Variants in SHROOM3 observed in about 807,000 individuals in gnomAD.
The protein encoded by SHROOM3 is protein Shroom3.
In SHROOM3, 47 loss-of-function variants were observed where a neutral mutation model predicts 138.6. The observed-to-expected ratio is 0.34, with a 90% confidence interval of 0.27 to 0.43. The LOEUF (loss-of-function observed/expected upper bound fraction) is 0.43, where lower values mean the gene tolerates loss of function less well. Ranked by LOEUF, SHROOM3 falls within the 20% of genes least tolerant of loss-of-function variation. SHROOM3 has a pLI of 1.00. For missense variants in SHROOM3, 2,491 were observed against 2,596.5 expected (o/e 0.96, Z 0.88); for synonymous variants, 1,062 against 1,063.3 (o/e 1.00, Z 0.02).
intron 1 of SHROOM3, among the ~76,000 whole-genome samples, chr4:76,538,147 C>T (rs1438235549): frequency 6.6e-6 from 1 of 152,220 alleles, no homozygotes; most frequent in Non-Finnish European, 1.5e-5. Context: ...GATCTGCCCG[C>T]CTGAGCCTCC....
intron 1 of SHROOM3, among the ~76,000 whole-genome samples, chr4:76,532,867 C>G (rs1260478157): frequency 2.6e-5 from 4 of 152,064 alleles, no homozygotes; most frequent in Non-Finnish European, 5.9e-5. Flanking sequence ...CATCACTACT[C>G]CTACACTTTA....
chr4:76,457,988 G>A (rs1731065158), intron 1 of SHROOM3, among the ~76,000 whole-genome samples: 1 of 151,294 alleles, frequency 6.6e-6, no homozygotes, highest in Admixed American at 6.6e-5. Context: ...TAGAGACAGG[G>A]TTTCATGTGT....
rs927440431 is a variant in SHROOM3 at position 76,554,986 on chromosome 4, T to G, written c.169-623T>G. 2.0e-5 allele frequency among the ~76,000 whole-genome samples: 3 copies of G among 151,476 alleles called. No individual in the cohort carries two copies. In the East Asian group the frequency reaches 5.8e-4, roughly 29 times the overall value. On this transcript the variant is annotated intron_variant, in intron 1 of 10. Coordinates refer to ENST00000296043, the MANE Select transcript of SHROOM3 (RefSeq NM_020859.4). The stretch of plus-strand genomic sequence containing the variant: ...AGGTAGCACACTCCTTATGAGAATC[T>G]AATGCCTGAAGATCTGTCACTATCT...
At chr4:76,694,856 C>A (rs1719675238) in intron 2 of SHROOM3, among the ~76,000 whole-genome samples, 1 of 152,198 alleles carries the variant, frequency 6.6e-6, no homozygotes, top group African/African-American at 2.4e-5. Context: ...CCTCACACTC[C>A]TATGAGGCAG....
chr4:76,457,986 G>A (rs1313774718), intron 1 of SHROOM3, among the ~76,000 whole-genome samples: 1 of 151,922 alleles, frequency 6.6e-6, no homozygotes, highest in Non-Finnish European at 1.5e-5. Context: ...AGTAGAGACA[G>A]GGTTTCATGT....
chr4:76,716,323 A>G, intron 3 of SHROOM3: 1 of 519,038 alleles, frequency 1.9e-6, no homozygotes, highest in Non-Finnish European at 3.8e-6. Context: ...GAGCAGTAGC[A>G]GGGCAGAATG....
Position 76,741,455 on chromosome 4 carries a change from C to G in SHROOM3, c.3282C>G (p.Thr1094=), listed in dbSNP as rs755583958. 6 of 1,576,458 alleles carry G rather than the reference C, an allele frequency of 3.8e-6. No individual in the cohort carries two copies. The highest frequency in any genetic ancestry group is 5.2e-6 in the Non-Finnish European group (6 of 1,163,750). ...TGGCGGACTACATCCAGCGCAAGACCGGCAAGCGGCCTACCTCCGCCGCCG... is the reference window on the plus strand; with the variant it reads ...TGGCGGACTACATCCAGCGCAAGACGGGCAAGCGGCCTACCTCCGCCGCCG... ...SALADYIQRK[T]GKRPTSAAGC... The change falls in exon 5 of 11, where the codon ACC becomes ACG. Residue 1094 remains threonine (T), a synonymous_variant. Transcript: ENST00000296043. The surrounding 1 kb of genome is among the most constrained non-coding windows in gnomAD (Gnocchi z 6.2).
rs752789473 is a variant in SHROOM3, at chr4:76,739,671, G to A, written c.1498G>A (p.Gly500Arg). The A allele has an allele frequency of 3.1e-6, 5 of 1,614,036 alleles. No homozygotes were observed. Among genetic ancestry groups the A allele is most frequent in the Non-Finnish European group, 4.2e-6 (5 of 1,180,038 alleles). The change falls in exon 5 of 11, where the codon GGA becomes AGA. Residue 500 changes from glycine to arginine, a missense_variant. Physicochemically the swap from Gly to Arg is moderately radical, Grantham distance 125. Around this residue, in one of 4 missense-constraint regions of SHROOM3, gnomAD observed 1,733 missense variants for 1,661.6 expected, o/e 1.04. Coordinates refer to ENST00000296043, the MANE Select transcript of SHROOM3 (RefSeq NM_020859.4). ...MLYPALAKES[G>R]YIAPQGACNK... ...CTACCCTGCACTGGCCAAGGAGAGT[G>A]GATACATAGCCCCTCAGGGAGCATG... is the stretch of plus-strand genomic sequence containing the variant.
rs1721245413 is a variant in SHROOM3, at chr4:76,741,262, G to A, written c.3089G>A (p.Gly1030Glu). The A allele has an allele frequency of 6.2e-7, 1 of 1,611,958 alleles. No individual in the cohort carries two copies. The highest frequency in any genetic ancestry group is 1.3e-5 in the African/African-American group (1 of 75,000). ...YSEPEKMNEV[G>E]IVEEAEPAPL... ...GAGCCCGAGAAGATGAACGAGGTGG[G>A]GATCGTGGAGGAGGCCGAACCGGCA... The change falls in exon 5 of 11, where the codon GGG becomes GAG. Residue 1030 changes from glycine (G) to glutamate (E), a missense_variant. Gly to Glu is a moderately conservative substitution (Grantham distance 98). This residue lies in a region of SHROOM3 where 1,733 missense variants were observed against 1,661.6 expected (regional missense o/e 1.04). Coordinates refer to ENST00000296043, the MANE Select transcript of SHROOM3 (RefSeq NM_020859.4). The surrounding 1 kb of genome is among the most constrained non-coding windows in gnomAD (Gnocchi z 6.2).
At chr4:76,453,888 CA>C (rs1730976315) in intron 1 of SHROOM3, among the ~76,000 whole-genome samples, 1 of 152,178 alleles carries the variant, frequency 6.6e-6, no homozygotes, top group Non-Finnish European at 1.5e-5. Context: ...TTGGATAAAG[CA>C]CACTACTTTT....
chr4:76,748,831 TTTTTTTA>T (rs1004816325), intron 5 of SHROOM3, among the ~76,000 whole-genome samples, 179 bp from the exon 6 acceptor site: 6 of 150,456 alleles, frequency 4.0e-5, no homozygotes, highest in Non-Finnish European at 5.9e-5. Context: ...TTTTTTTTTT[TTTTTTTA>T]AATCTTCGGC....
chr4:76,608,555 CATA>C (rs1560563109), intron 2 of SHROOM3, among the ~76,000 whole-genome samples: 1,163 of 80,572 alleles, frequency 0.014, 3 homozygotes, highest in Non-Finnish European at 0.017. Flanking sequence ...CATAGCATAG[CATA>C]GCATAGCATA....
In SHROOM3 at chr4:76,558,506, GC is replaced by G. The variant is rs1483759276; in HGVS notation, c.323+2750del. ...ATGCTGGTTCCCTGGTTATCTGGAGGCCCCCCCTTTCATTCTCTTAGTGAGT... is the reference window on the plus strand; with the variant it reads ...ATGCTGGTTCCCTGGTTATCTGGAGGCCCCCCTTTCATTCTCTTAGTGAGT... On this transcript the variant is annotated intron_variant, in intron 2 of 10. Coordinates refer to ENST00000296043, the MANE Select transcript of SHROOM3 (RefSeq NM_020859.4). 3.9e-5 allele frequency among the ~76,000 whole-genome samples: 6 copies of G among 152,012 alleles called. 1 individual carries two copies. Among genetic ancestry groups the G allele is most frequent in the Admixed American group, 1.3e-4 (2 of 15,252 alleles).
chr4:76,498,573 AT>A (rs1732017797), intron 1 of SHROOM3, among the ~76,000 whole-genome samples: 1 of 152,124 alleles, frequency 6.6e-6, no homozygotes, highest in Non-Finnish European at 1.5e-5. Flanking sequence ...CTTAATTAAT[AT>A]CCCCTTAATC....
chr4:76,438,373 C>T (rs1330903869), intron 1 of SHROOM3, among the ~76,000 whole-genome samples: 4 of 152,176 alleles, frequency 2.6e-5, no homozygotes, highest in Non-Finnish European at 5.9e-5. Flanking sequence ...TTCAAGGATC[C>T]AATCTGGTCC....
intron 1 of SHROOM3, among the ~76,000 whole-genome samples, chr4:76,501,405 C>G (rs1454076686): frequency 6.6e-6 from 1 of 152,144 alleles, no homozygotes; most frequent in East Asian, 1.9e-4. Context: ...CTTGTAATTT[C>G]CTAAGCAATA....
intron 1 of SHROOM3, among the ~76,000 whole-genome samples, chr4:76,547,834 G>T (rs1434692310): frequency 6.6e-6 from 1 of 151,772 alleles, no homozygotes. Flanking sequence ...AGACACTGAG[G>T]CAGGAGAATC....
At chr4:76,710,746 A>G (rs1174008801) in intron 3 of SHROOM3, among the ~76,000 whole-genome samples, 1 of 152,200 alleles carries the variant, frequency 6.6e-6, no homozygotes, top group African/African-American at 2.4e-5. Flanking sequence ...TAAGCCTAAC[A>G]AAGATTTGTA....
chr4:76,751,445 T>C (rs1305340958), intron 6 of SHROOM3, among the ~76,000 whole-genome samples: 1 of 152,216 alleles, frequency 6.6e-6, no homozygotes, highest in Non-Finnish European at 1.5e-5. Flanking sequence ...GATTTTGCAC[T>C]GTTCAAGTTT....
Sources: allele counts gnomAD v4.1 joint callset (sites outside exome capture counted in the v4.1 genomes callset), GRCh38; gene constraint gnomAD v4.1.1; regional missense constraint gnomAD v4.1.1; non-coding constraint Gnocchi (gnomAD v3.1); transcripts MANE v1.5; gene names NCBI Gene and HGNC (gene_info 2026-07-23, HGNC 2026-07-21).